The following PHKB variants were observed in gnomAD, a reference collection of about 807,000 sequenced individuals.
PHKB encodes the protein phosphorylase b kinase regulatory subunit beta.
A neutral mutation model predicts 152.1 loss-of-function variants in PHKB; 122 were observed. That is an observed-to-expected ratio of 0.80 (90% CI 0.69 to 0.93). The LOEUF (loss-of-function observed/expected upper bound fraction) is 0.93, where lower values mean the gene tolerates loss of function less well. PHKB is among the 40% of genes least tolerant of loss of function. PHKB has a pLI of 0.00. For missense variants in PHKB, 1,304 were observed against 1,328.4 expected (o/e 0.98, Z 0.29); for synonymous variants, 436 against 464.9 (o/e 0.94, Z 0.80).
chr16:47,621,876 A>C (rs925644503), intron 14 of PHKB, among the ~76,000 whole-genome samples: 1 of 152,174 alleles, frequency 6.6e-6, no homozygotes, highest in Non-Finnish European at 1.5e-5. Flanking sequence ...TTAAAATTCA[A>C]TGCCTTGATA....
Position 47,535,914 on chromosome 16 carries a change from C to G in PHKB, c.595-11519C>G, listed in dbSNP as rs551529998. 3.9e-5 allele frequency among the ~76,000 whole-genome samples: 6 copies of G among 152,224 alleles called. No homozygotes were observed. In the South Asian group the frequency reaches 6.2e-4, roughly 16 times the overall value. ...TTTGCAGAAGTGGATATCAAAGGTA[C>G]ATGCTTTCAAAGCAAGGTAACAGAA... On this transcript the variant is annotated intron_variant, in intron 6 of 30. Transcript: ENST00000323584.
chr16:47,527,516 A>T (rs770066172), intron 6 of PHKB, among the ~76,000 whole-genome samples: 5 of 152,196 alleles, frequency 3.3e-5, no homozygotes, highest in Non-Finnish European at 5.9e-5. Flanking sequence ...ATAAGTAGAG[A>T]TTAAAAGAGA....
intron 4 of PHKB, among the ~76,000 whole-genome samples, chr16:47,508,322 T>C (rs552824742): frequency 2.0e-5 from 3 of 152,300 alleles, no homozygotes; most frequent in Admixed American, 6.5e-5. Context: ...TACTGTCTTT[T>C]ATAATTCTGC....
chr16:47,593,423 G>C, intron 10 of PHKB, 77 bp from the exon 11 acceptor site: 1 of 820,090 alleles, frequency 1.2e-6, no homozygotes. Context: ...CTGGGCCACA[G>C]AGTGAGATCT....
Position 47,664,913 on chromosome 16 carries a change from A to G in PHKB, c.2365A>G (p.Thr789Ala), listed in dbSNP as rs780329020. The G allele has an allele frequency of 5.6e-6, 9 of 1,613,726 alleles. No homozygotes were observed. In the African/African-American group the frequency reaches 9.3e-5, roughly 17 times the overall value. The change falls in exon 25 of 31, where the codon ACC becomes GCC. Residue 789 changes from threonine to alanine, a missense_variant. Thr to Ala is a moderately conservative substitution (Grantham distance 58, BLOSUM62 0). Coordinates refer to ENST00000323584, the MANE Select transcript of PHKB (RefSeq NM_000293.3). ...WLAVRYGAAF[T>A]QKFSSSIAPH... ...GGCGGTGCGCTACGGGGCTGCATTTACCCAGAAATTTTCTTCCTCTATAGC... is the reference window on the plus strand; with the variant it reads ...GGCGGTGCGCTACGGGGCTGCATTTGCCCAGAAATTTTCTTCCTCTATAGC...
intron 1 of PHKB, among the ~76,000 whole-genome samples, chr16:47,472,974 A>T (rs1246002849): frequency 6.6e-6 from 1 of 152,002 alleles, no homozygotes; most frequent in Non-Finnish European, 1.5e-5. Flanking sequence ...GAAAATTGTA[A>T]CTGCATATAT....
intron 7 of PHKB, among the ~76,000 whole-genome samples, chr16:47,549,325 A>G (rs551074329): frequency 6.6e-6 from 1 of 152,312 alleles, no homozygotes; most frequent in Admixed American, 6.5e-5. Flanking sequence ...TAAGCATTTA[A>G]TATATGTCAG....
chr16:47,476,152 G>A (rs1969864733), intron 1 of PHKB, among the ~76,000 whole-genome samples: 1 of 152,120 alleles, frequency 6.6e-6, no homozygotes, highest in South Asian at 2.1e-4. Context: ...TTATATGAGT[G>A]AGCCTTGATT....
intron 6 of PHKB, among the ~76,000 whole-genome samples, chr16:47,522,961 A>ATTTTTTTTTT (rs375826369): frequency 8.2e-6 from 1 of 122,504 alleles, no homozygotes. Flanking sequence ...TTTCAAGTCA[A>ATTTTTTTTTT]TTTTTTTTTT....
intron 7 of PHKB, among the ~76,000 whole-genome samples, chr16:47,576,307 G>C (rs1256671374): frequency 6.6e-6 from 1 of 152,138 alleles, no homozygotes; most frequent in African/African-American, 2.4e-5. Flanking sequence ...CAATTGATAT[G>C]ACCATGTTAT....
At chr16:47,566,943 T>C (rs541663926) in intron 7 of PHKB, 8 of 554,306 alleles carry the variant, frequency 1.4e-5, no homozygotes, top group Non-Finnish European at 2.3e-5. Context: ...GAGGCTGCCA[T>C]GTTGGGAGAG....
chr16:47,552,364 T>TC (rs1971287718), intron 7 of PHKB, among the ~76,000 whole-genome samples: 1 of 152,204 alleles, frequency 6.6e-6, no homozygotes, highest in Non-Finnish European at 1.5e-5. Context: ...GTTTTTCCTT[T>TC]CCATATGTAG....
chr16:47,620,645 G>A (rs1477905313), intron 14 of PHKB, among the ~76,000 whole-genome samples: 2 of 152,190 alleles, frequency 1.3e-5, no homozygotes, highest in Non-Finnish European at 2.9e-5. Context: ...GGAGGCCGAG[G>A]CAAGTGGATC....
In PHKB at chr16:47,650,939, AGTATGCATCTATTTTCAGGACAGT is replaced by A. The variant is rs1973226625; in HGVS notation, c.1971+19_1971+42del. 4 of 1,486,960 alleles carry A rather than the reference AGTATGCATCTATTTTCAGGACAGT, an allele frequency of 2.7e-6. No homozygotes were observed. The highest frequency in any genetic ancestry group is 3.8e-6 in the Non-Finnish European group (4 of 1,063,932). 92.1% of individuals were successfully genotyped at this position (1,486,960 alleles called of 1,614,324 possible). On this transcript the variant is annotated intron_variant, in intron 20 of 30. Transcript: ENST00000323584. ...GTCTACAGGTAGCCTTCTGATTTTC[AGTATGCATCTATTTTCAGGACAGT>A]TAATCTACAATACAGCTATGTTTCT...
chr16:47,671,789 A>G, intron 26 of PHKB, among the ~76,000 whole-genome samples: 1 of 152,190 alleles, frequency 6.6e-6, no homozygotes, highest in East Asian at 1.9e-4. Context: ...CGAACAACCT[A>G]GATGTTCATT....
chr16:47,595,509 G>A (rs1421711843), intron 12 of PHKB, among the ~76,000 whole-genome samples: 1 of 152,064 alleles, frequency 6.6e-6, no homozygotes, highest in Admixed American at 6.5e-5. Flanking sequence ...TTTTTAAATG[G>A]TCACGGGGGA....
chr16:47,660,629 A>T (rs759509914), intron 21 of PHKB, 28 bp from the exon 22 acceptor site: 25 of 1,613,170 alleles, frequency 1.5e-5, no homozygotes, highest in Middle Eastern at 1.6e-4. Flanking sequence ...AAAGCAGAAA[A>T]TATGAAACCT....
Position 47,554,124 on chromosome 16 carries a change from A to T in PHKB, c.710+6576A>T, listed in dbSNP as rs537948270. 3.3e-5 allele frequency among the ~76,000 whole-genome samples: 5 copies of T among 152,298 alleles called. No individual in the cohort carries two copies. In the South Asian group the frequency reaches 1.0e-3, roughly 32 times the overall value. On this transcript the variant is annotated intron_variant, in intron 7 of 30. Transcript: ENST00000323584. ...TTAAGTCTGCTGAAGCTGCGCCCAC[A>T]GCTGCCCCTTCCCTCTGTCCCAGGG...
At chr16:47,662,043 A>G (rs1055800679) in intron 23 of PHKB, among the ~76,000 whole-genome samples, 4 of 152,200 alleles carry the variant, frequency 2.6e-5, no homozygotes, top group Admixed American at 2.6e-4. Flanking sequence ...TCTGAAAAGT[A>G]TTGGAGCTTG....
Sources: gnomAD v4.1 joint callset for allele counts (sites outside exome capture counted in the v4.1 genomes callset) on GRCh38, gnomAD v4.1.1 for gene constraint, MANE v1.5 for transcripts, NCBI Gene and HGNC (gene_info 2026-07-23, HGNC 2026-07-21) for gene names.